TADA2A: variants seen among roughly 807,000 people sequenced by gnomAD.
TADA2A encodes transcriptional adapter 2-alpha.
A neutral mutation model predicts 67.4 loss-of-function variants in TADA2A; 38 were observed. The observed-to-expected ratio is 0.56, with a 90% confidence interval of 0.44 to 0.74. TADA2A has a LOEUF of 0.74. TADA2A is among the 30% of genes least tolerant of loss of function. The pLI, the probability that TADA2A is intolerant of heterozygous loss-of-function variation, is 0.00. For missense variants in TADA2A, 454 were observed against 547.0 expected, an observed-to-expected ratio of 0.83 and a Z score of 1.70; for synonymous variants, 192 against 181.6, an observed-to-expected ratio of 1.06 and a Z score of -0.46.
intron 2 of TADA2A, among the ~76,000 whole-genome samples, chr17:37,420,540 C>CCAA (rs1054594438): frequency 2.8e-5 from 4 of 145,112 alleles, no homozygotes; most frequent in African/African-American, 7.5e-5. Flanking sequence ...TTACAGGTGC[C>CCAA]CACCACCACA....
At chr17:37,422,600 G>A (rs1248492408) in intron 2 of TADA2A, among the ~76,000 whole-genome samples, 3 of 151,688 alleles carry the variant, frequency 2.0e-5, no homozygotes, top group South Asian at 2.1e-4. Context: ...TTTGCCTTCC[G>A]GGTTCAAGTG....
intron 14 of TADA2A, among the ~76,000 whole-genome samples, chr17:37,472,351 C>T (rs541487098): frequency 1.1e-3 from 167 of 151,878 alleles, no homozygotes; most frequent in African/African-American, 3.8e-3. Context: ...CAGGCATGAG[C>T]CACTGCGCCT....
intron 12 of TADA2A, among the ~76,000 whole-genome samples, chr17:37,467,773 G>A (rs116806292): frequency 2.5e-4 from 38 of 152,090 alleles, no homozygotes; most frequent in African/African-American, 8.9e-4. Flanking sequence ...GGATTCTGCC[G>A]AGGCTCTTTA....
In TADA2A at chr17:37,477,941, G is replaced by GA. The variant is rs1450105669; in HGVS notation, c.*962dup. 1 of 151,826 alleles carries GA rather than the reference G, an allele frequency of 6.6e-6. No homozygotes were observed. Among genetic ancestry groups the GA allele is most frequent in the African/African-American group, 2.4e-5 (1 of 41,364 alleles). The allele number at this position is 151,826 out of a possible 1,614,324, so 9.4% of individuals were successfully genotyped here. Reference sequence around the variant, plus strand: ...TCAAGACCAGCCTGACCAACATGGTGAAACAGTCTCTACTAAAAATACAAA... The same window carrying GA: ...TCAAGACCAGCCTGACCAACATGGTGAAAACAGTCTCTACTAAAAATACAAA... On this transcript the variant is annotated 3_prime_UTR_variant, in exon 16 of 16. Coordinates refer to ENST00000615182, the MANE Select transcript of TADA2A (RefSeq NM_001166105.3).
At chr17:37,456,382 A>T (rs1441108134) in intron 8 of TADA2A, among the ~76,000 whole-genome samples, 1 of 152,220 alleles carries the variant, frequency 6.6e-6, no homozygotes, top group East Asian at 1.9e-4. Context: ...GAGTTACAGT[A>T]AGGCAAGAAT....
intron 2 of TADA2A, 22 bp from the exon 3 acceptor site, chr17:37,423,487 A>G (rs2052308080): frequency 6.4e-7 from 1 of 1,573,384 alleles, no homozygotes; most frequent in South Asian, 1.2e-5. Context: ...TGAAATGTGC[A>G]TTTGTTTTCT....
Position 37,421,870 on chromosome 17 carries a change from GTTTTTTTA to G in TADA2A, c.26-1623_26-1616del, listed in dbSNP as rs1217295368. Among the ~76,000 whole-genome samples the G allele has an allele frequency of 4.8e-5, 7 of 145,518 alleles. 2 individuals carry two copies. In the Middle Eastern group the frequency reaches 0.011, roughly 223 times the overall value. On this transcript the variant is annotated intron_variant, in intron 2 of 15. Transcript: ENST00000615182. ...AAGAACAGTACAATGATGATGATGTGTTTTTTTATTTTTTTATTTTTTTTTGGAGACGG... is the reference window on the plus strand; with the variant it reads ...AAGAACAGTACAATGATGATGATGTGTTTTTTTATTTTTTTTTGGAGACGG...
intron 8 of TADA2A, among the ~76,000 whole-genome samples, chr17:37,449,224 T>C (rs557321237): frequency 2.6e-5 from 4 of 152,304 alleles, no homozygotes; most frequent in African/African-American, 9.6e-5. Context: ...GGTTTCACCA[T>C]GTTAGCCAGG....
Position 37,458,557 on chromosome 17 carries a change from C to G in TADA2A, c.638C>G (p.Ser213Cys). 1 of 1,611,876 alleles carries G rather than the reference C, an allele frequency of 6.2e-7. No homozygotes were observed. The highest frequency in any genetic ancestry group is 1.1e-5 in the South Asian group (1 of 90,950). Residue 213 changes from serine (S) to cysteine (C), a missense_variant, in exon 9 of 16, where the codon TCC (serine) becomes TGC (cysteine). Physicochemically the swap from Ser to Cys is moderately radical, Grantham distance 112 (BLOSUM62 -1). Transcript: ENST00000615182. Reference sequence around the variant, plus strand: ...ATGGCTGTGGTAGATATCTATCATTCCAGGTTAAAGGAGAGACAAAGACGA... The same window carrying G: ...ATGGCTGTGGTAGATATCTATCATTGCAGGTTAAAGGAGAGACAAAGACGA... ...LKMAVVDIYH[S>C]RLKERQRRKK...
In TADA2A at chr17:37,442,556, T is replaced by C; in HGVS notation, c.443-8T>C. On this transcript the variant is annotated splice_region_variant and splice_polypyrimidine_tract_variant and intron_variant, in intron 6 of 15. Transcript: ENST00000615182. ...TAGTTAACTCAGAAACCTTCTAAAT[T>C]CTTCCAGCTACAGATGACCCTCCCC... 6.2e-7 allele frequency: 1 copy of C among 1,612,942 alleles called. No homozygotes were observed. Among genetic ancestry groups the C allele is most frequent in the African/African-American group, 1.3e-5 (1 of 75,002 alleles).
chr17:37,442,692 C>A, intron 7 of TADA2A, 40 bp downstream of exon 7: 1 of 1,587,056 alleles, frequency 6.3e-7, no homozygotes, highest in South Asian at 1.1e-5. Context: ...AGGAAAAATT[C>A]ATTTTTGTTT....
At chr17:37,428,537 A>G (rs1053381999) in intron 4 of TADA2A, among the ~76,000 whole-genome samples, 1 of 152,026 alleles carries the variant, frequency 6.6e-6, no homozygotes, top group Non-Finnish European at 1.5e-5. Context: ...GACCTCTCCT[A>G]TTGCCTTATC....
chr17:37,413,866 CAG>C (rs755796340), intron 2 of TADA2A, among the ~76,000 whole-genome samples: 18 of 151,972 alleles, frequency 1.2e-4, no homozygotes, highest in Non-Finnish European at 2.2e-4. Context: ...CTTCTTGTCA[CAG>C]GGGTTTTGTG....
chr17:37,473,086 A>C (rs79527734), intron 14 of TADA2A, among the ~76,000 whole-genome samples: 8,696 of 145,154 alleles, frequency 0.06, 305 homozygotes, highest in Middle Eastern at 0.092. Flanking sequence ...TCAGCTCCTG[A>C]GTGGCTGGGA....
At chr17:37,462,172 A>C in intron 10 of TADA2A, 51 bp downstream of exon 10, 1 of 1,201,306 alleles carries the variant, frequency 8.3e-7, no homozygotes, top group Non-Finnish European at 1.2e-6. Context: ...AATATTATTG[A>C]ATAATTTTAA....
intron 2 of TADA2A, 145 bp downstream of exon 2, chr17:37,411,535 G>A: frequency 1.4e-6 from 1 of 735,966 alleles, no homozygotes; most frequent in South Asian, 1.6e-5. Context: ...CGGTTCTCCT[G>A]CCTCAGCCGC....
chr17:37,407,082 G>T (rs2051574811), intron 1 of TADA2A, 133 bp downstream of exon 1: 1 of 147,750 alleles, frequency 6.8e-6, no homozygotes, highest in South Asian at 1.8e-4. Context: ...CCCCGGCGGC[G>T]GGCTTGACGC....
intron 11 of TADA2A, among the ~76,000 whole-genome samples, chr17:37,466,087 C>G (rs1305369274): frequency 6.6e-6 from 1 of 152,096 alleles, no homozygotes; most frequent in Admixed American, 6.6e-5. Context: ...TGTGAGAGCT[C>G]TACATAGTTA....
Position 37,474,655 on chromosome 17 carries a change from A to G in TADA2A, c.1146+26A>G, listed in dbSNP as rs527847668. On this transcript the variant is annotated intron_variant, in intron 15 of 15. Coordinates refer to ENST00000615182, the MANE Select transcript of TADA2A (RefSeq NM_001166105.3). The stretch of plus-strand genomic sequence containing the variant: ...GTAACAAAAGGGAGGGGGCTGGGAG[A>G]AAGAGAATAGGGGCTGATTATTCAT... The G allele has an allele frequency of 8.8e-6, 14 of 1,598,192 alleles. No homozygotes were observed. The Admixed American group carries it at 2.4e-4, about 27-fold the overall frequency.
Sources: gnomAD v4.1 joint callset for allele counts (sites outside exome capture counted in the v4.1 genomes callset) on GRCh38, gnomAD v4.1.1 for gene constraint, MANE v1.5 for transcripts, NCBI Gene and HGNC (gene_info 2026-07-23, HGNC 2026-07-21) for gene names.